ZNF423: variants seen among roughly 807,000 people sequenced by gnomAD.
The protein encoded by ZNF423 is zinc finger protein 423, also known as Ebf-associated zinc finger protein.
In ZNF423, 12 loss-of-function variants were observed where a neutral mutation model predicts 95.8. The ratio of observed to expected loss-of-function variants is 0.13; its 90% CI spans 0.08 to 0.20. The LOEUF is 0.20. ZNF423 is among the 10% of genes least tolerant of loss of function. The pLI is 1.00. For synonymous variants in ZNF423, 749 were observed against 711.9 expected, an observed-to-expected ratio of 1.05 and a Z score of -0.83; for missense variants, 1,316 against 1,737.1, an observed-to-expected ratio of 0.76 and a Z score of 4.31.
At chr16:49,825,872 A>C (rs1195059267) in intron 1 of ZNF423, among the ~76,000 whole-genome samples, 1 of 152,196 alleles carries the variant, frequency 6.6e-6, no homozygotes, top group East Asian at 1.9e-4. Context: ...CCGAGGGACC[A>C]ACAAGGTTTC....
chr16:49,546,687 A>C (rs1969455935), intron 5 of ZNF423, among the ~76,000 whole-genome samples: 1 of 152,230 alleles, frequency 6.6e-6, no homozygotes, highest in Non-Finnish European at 1.5e-5. Flanking sequence ...CAGGGGGCAC[A>C]GAATTAAACG....
intron 1 of ZNF423, among the ~76,000 whole-genome samples, chr16:49,824,634 G>C (rs1426801588): frequency 6.6e-6 from 1 of 152,220 alleles, no homozygotes; most frequent in Non-Finnish European, 1.5e-5. Flanking sequence ...GGCACCACCA[G>C]AGCTCCAAGA....
At chr16:49,569,510 C>A (rs1169414570) in intron 5 of ZNF423, among the ~76,000 whole-genome samples, 1 of 152,208 alleles carries the variant, frequency 6.6e-6, no homozygotes, top group African/African-American at 2.4e-5. Context: ...AACGTCCTGG[C>A]TGCCTATATG....
chr16:49,534,464 G>T (rs1479210171), intron 5 of ZNF423, among the ~76,000 whole-genome samples: 1 of 152,112 alleles, frequency 6.6e-6, no homozygotes, highest in Non-Finnish European at 1.5e-5. Flanking sequence ...TGTTGGTCAG[G>T]CTGGTCTCGA....
intron 5 of ZNF423, among the ~76,000 whole-genome samples, chr16:49,606,553 G>A (rs1008975343): frequency 9.2e-5 from 14 of 152,218 alleles, no homozygotes; most frequent in African/African-American, 3.4e-4. Flanking sequence ...CTCAAGTGCT[G>A]GGGATGCCCA....
chr16:49,574,763 C>T (rs774439564), intron 5 of ZNF423, among the ~76,000 whole-genome samples: 2 of 152,214 alleles, frequency 1.3e-5, no homozygotes, highest in Non-Finnish European at 1.5e-5. Flanking sequence ...TTCCCTCTCT[C>T]CTGGAGCCTG....
At chr16:49,663,826 A>G (rs1350498206) in intron 3 of ZNF423, among the ~76,000 whole-genome samples, 2 of 152,066 alleles carry the variant, frequency 1.3e-5, no homozygotes, top group African/African-American at 4.8e-5. Context: ...CCCCATCCCC[A>G]TGCCGCAGGG....
intron 3 of ZNF423, among the ~76,000 whole-genome samples, chr16:49,677,149 C>T (rs181052965): frequency 2.0e-5 from 3 of 148,480 alleles, no homozygotes; most frequent in Non-Finnish European, 3.0e-5. Flanking sequence ...ACCCGGGAGG[C>T]GAAGGCTGCA....
At chr16:49,822,811 G>T in intron 1 of ZNF423, 1 of 1,197,376 alleles carries the variant, frequency 8.4e-7, no homozygotes, top group Non-Finnish European at 1.2e-6. Context: ...AATAACACTT[G>T]TATACCCATT....
At chr16:49,839,276 A>G (rs1033389694) in intron 1 of ZNF423, among the ~76,000 whole-genome samples, 8 of 151,818 alleles carry the variant, frequency 5.3e-5, no homozygotes, top group African/African-American at 1.9e-4. Context: ...ACACCCAGAC[A>G]CTTCCTCCCA....
chr16:49,857,230 A>G (rs2035380927), upstream of ZNF423, among the ~76,000 whole-genome samples: 1 of 149,760 alleles, frequency 6.7e-6, no homozygotes, highest in Non-Finnish European at 1.5e-5. The surrounding 1 kb of genome is among the most constrained non-coding windows in gnomAD (Gnocchi z 6.2). Flanking sequence ...GATCAGACGG[A>G]GAGAGGGCCA....
Position 49,489,437 on chromosome 16 carries a change from T to C in ZNF423, c.*1838A>G, listed in dbSNP as rs1467919668. On this transcript the variant is annotated 3_prime_UTR_variant, in exon 8 of 8. Transcript: ENST00000563137. ...GCCAGGTCTCCAGGAGGCTGAAAAT[T>C]GGCATTCACAGCCTTCAGTTTCCAG... The C allele has an allele frequency of 2.0e-5, 3 of 152,218 alleles. No individual in the cohort carries two copies. Among genetic ancestry groups the C allele is most frequent in the Non-Finnish European group, 4.4e-5 (3 of 68,048 alleles). 9.4% of individuals were successfully genotyped at this position (152,218 alleles called of 1,614,324 possible).
intron 3 of ZNF423, among the ~76,000 whole-genome samples, chr16:49,706,244 G>A (rs1393512967): frequency 6.6e-6 from 1 of 152,246 alleles, no homozygotes; most frequent in African/African-American, 2.4e-5. Context: ...CCCCATCAAA[G>A]GTGAAGCCAG....
chr16:49,702,981 T>C (rs1474666692), intron 3 of ZNF423, among the ~76,000 whole-genome samples: 3 of 151,870 alleles, frequency 2.0e-5, no homozygotes, highest in African/African-American at 7.3e-5. Flanking sequence ...CATATGCTCA[T>C]GTTCATAAAA....
At chr16:49,706,895 T>A (rs74016921) in intron 3 of ZNF423, among the ~76,000 whole-genome samples, 2,706 of 152,182 alleles carry the variant, frequency 0.018, 87 homozygotes, top group African/African-American at 0.062. Flanking sequence ...CCAGGACCCA[T>A]GACTGCCAGC....
rs7186845 is a variant in ZNF423 at position 49,493,104 on chromosome 16, G to A, written c.3850-1800C>T. Among the ~76,000 whole-genome samples the A allele has an allele frequency of 4.6e-3, 695 of 152,166 alleles. 4 individuals carry two copies. Among genetic ancestry groups the A allele is most frequent in the African/African-American group, 0.014 (599 of 41,494 alleles). On this transcript the variant is annotated intron_variant, in intron 7 of 7. Coordinates refer to ENST00000563137, the MANE Select transcript of ZNF423 (RefSeq NM_001379286.1). ...ATGCAGGCGGTTTCCATGGGAACCCGCACCCTCCAGCCGTGGCACCTCTCC... is the reference window on the plus strand; with the variant it reads ...ATGCAGGCGGTTTCCATGGGAACCCACACCCTCCAGCCGTGGCACCTCTCC...
chr16:49,712,154 G>A (rs2032563122), intron 3 of ZNF423, among the ~76,000 whole-genome samples: 2 of 152,130 alleles, frequency 1.3e-5, no homozygotes, highest in Non-Finnish European at 2.9e-5. Flanking sequence ...ATACATTTAT[G>A]TATTACTGTG....
chr16:49,839,503 C>CA (rs2035160443), intron 1 of ZNF423, among the ~76,000 whole-genome samples: 1 of 152,182 alleles, frequency 6.6e-6, no homozygotes, highest in Non-Finnish European at 1.5e-5. Context: ...CAGGCAGGCC[C>CA]AGGGAGGCCC....
intron 3 of ZNF423, among the ~76,000 whole-genome samples, chr16:49,653,243 C>T (rs1410648847): frequency 6.9e-6 from 1 of 143,954 alleles, no homozygotes; most frequent in African/African-American, 2.6e-5. Context: ...ACCCACTACA[C>T]AAGTCTTGGG....
Sources: allele counts gnomAD v4.1 joint callset (sites outside exome capture counted in the v4.1 genomes callset), GRCh38; gene constraint gnomAD v4.1.1; non-coding constraint Gnocchi (gnomAD v3.1); transcripts MANE v1.5; gene names NCBI Gene and HGNC (gene_info 2026-07-23, HGNC 2026-07-21).